The following KIRREL3 variants were observed in gnomAD, a reference collection of about 807,000 sequenced individuals.
KIRREL3 encodes the protein kin of IRRE-like protein 3.
In KIRREL3, 36 loss-of-function variants were observed where a neutral mutation model predicts 89.7. The ratio of observed to expected loss-of-function variants is 0.40; its 90% confidence interval spans 0.31 to 0.53. KIRREL3 has a LOEUF of 0.53. Ranked by LOEUF, KIRREL3 falls within the 20% of genes least tolerant of loss-of-function variation. The probability of loss-of-function intolerance (pLI) is 0.49; values close to 1 mark genes in which losing one functional copy is unlikely to be tolerated. For missense variants in KIRREL3, 864 were observed against 1,056.6 expected (o/e 0.82, Z 2.53); for synonymous variants, 445 against 441.4 (o/e 1.01, Z -0.10).
intron 1 of KIRREL3, among the ~76,000 whole-genome samples, chr11:126,828,283 A>C (rs913573965): frequency 6.6e-6 from 1 of 152,136 alleles, no homozygotes; most frequent in African/African-American, 2.4e-5. Flanking sequence ...CTGAGCTGAG[A>C]AGCCATGCTG....
intron 1 of KIRREL3, among the ~76,000 whole-genome samples, chr11:126,827,897 C>T (rs1943471659): frequency 6.6e-6 from 1 of 152,072 alleles, no homozygotes; most frequent in African/African-American, 2.4e-5. Context: ...GGATAATGTT[C>T]CGATAAATGA....
At position 126,424,650 on chromosome 11, in the gene KIRREL3, T is replaced by A. The variant is rs368525135; in HGVS notation, c.2267A>T (p.His756Leu). Reference protein sequence around the residue: ...ASKASASSSHHSQSSSQNSDP... With the variant: ...ASKASASSSHLSQSSSQNSDP... ...AGAGTTCTGGGACGAGGACTGGGAG[T>A]GGTGGGAGGAGGAAGCAGAAGCCTT... is the stretch of plus-strand genomic sequence containing the variant. The change falls in exon 17 of 17, where the codon CAC becomes CTC. Residue 756 changes from histidine (H) to leucine (L), a missense_variant. Transcript: ENST00000525144. The A allele has an allele frequency of 6.2e-7, 1 of 1,612,518 alleles. No individual in the cohort carries two copies. Among genetic ancestry groups the A allele is most frequent in the Admixed American group, 1.7e-5 (1 of 59,826 alleles).
rs1949574065 is a variant in KIRREL3 at position 126,976,273 on chromosome 11, C to T, written c.55+24182G>A. The stretch of plus-strand genomic sequence containing the variant: ...ATAACACAACATCACAAAGGAGAGA[C>T]AGATTATGAAATTATAATGACATAT... On this transcript the variant is annotated intron_variant, in intron 1 of 16. Coordinates refer to ENST00000525144, the MANE Select transcript of KIRREL3 (RefSeq NM_032531.4). This position sits in a 1 kb window ranked among gnomAD's most constrained non-coding sequence, Gnocchi z 4.2. Among the ~76,000 whole-genome samples, 1 of 152,044 alleles carries T rather than the reference C, an allele frequency of 6.6e-6. No individual in the cohort carries two copies. The highest frequency in any genetic ancestry group is 2.1e-4 in the South Asian group (1 of 4,820).
intron 1 of KIRREL3, among the ~76,000 whole-genome samples, chr11:126,972,655 ATGT>A (rs1383246662): frequency 6.6e-6 from 1 of 152,072 alleles, no homozygotes; most frequent in East Asian, 1.9e-4. Flanking sequence ...GACATGCCCA[ATGT>A]TGTTTTCCAT....
chr11:126,496,723 A>G lies in KIRREL3; in HGVS notation c.434-23257T>C, dbSNP rs1302613727. Among the ~76,000 whole-genome samples, 1 of 151,938 alleles carries G rather than the reference A, an allele frequency of 6.6e-6. No homozygotes were observed. The highest frequency in any genetic ancestry group is 1.5e-5 in the Non-Finnish European group (1 of 68,012). ...CAAAACCCAAACAGAAGCGCTCAGA[A>G]ATGTTGGAGGGCCTGCGTGCGAACT... is the stretch of plus-strand genomic sequence containing the variant. On this transcript the variant is annotated intron_variant, in intron 4 of 16. Coordinates refer to ENST00000525144, the MANE Select transcript of KIRREL3 (RefSeq NM_032531.4). This position sits in a 1 kb window ranked among gnomAD's most constrained non-coding sequence, Gnocchi z 4.9.
intron 1 of KIRREL3, among the ~76,000 whole-genome samples, chr11:126,930,328 A>T (rs1476449697): frequency 6.6e-6 from 1 of 152,232 alleles, no homozygotes; most frequent in South Asian, 2.1e-4. Flanking sequence ...CTCCCAAGAA[A>T]GCCCTCTCTC....
At chr11:126,630,466 C>CT (rs76017698) in intron 1 of KIRREL3, among the ~76,000 whole-genome samples, 22,991 of 152,190 alleles carry the variant, frequency 0.15, 2,279 homozygotes, top group East Asian at 0.4. Flanking sequence ...GCCCCTTTTG[C>CT]TATTTGTTCA....
chr11:126,515,383 G>C lies in KIRREL3; in HGVS notation c.433+5932C>G, dbSNP rs371267842. On this transcript the variant is annotated intron_variant, in intron 4 of 16. Coordinates refer to ENST00000525144, the MANE Select transcript of KIRREL3 (RefSeq NM_032531.4). The surrounding 1 kb of genome is among the most constrained non-coding windows in gnomAD (Gnocchi z 4.2). ...GAGGATCGCTTGAGCCAGGGAGGTC[G>C]AGGCTGCAGTGAGCCATAATAGTGC... 4.3e-4 allele frequency among the ~76,000 whole-genome samples: 66 copies of C among 152,294 alleles called. No individual in the cohort carries two copies. Among genetic ancestry groups the C allele is most frequent in the African/African-American group, 1.5e-3 (64 of 41,566 alleles).
chr11:126,842,972 T>C (rs1253668210), intron 1 of KIRREL3, among the ~76,000 whole-genome samples: 1 of 151,778 alleles, frequency 6.6e-6, no homozygotes, highest in Non-Finnish European at 1.5e-5. Flanking sequence ...TTTCTGTAAA[T>C]GCAGGGCCTT....
Position 126,551,210 on chromosome 11 carries a change from C to T in KIRREL3, c.133+11625G>A, listed in dbSNP as rs531447879. Among the ~76,000 whole-genome samples, 22 of 152,268 alleles carry T rather than the reference C, an allele frequency of 1.4e-4. 1 individual carries two copies. Among genetic ancestry groups the T allele is most frequent in the Non-Finnish European group, 2.8e-4 (19 of 68,024 alleles). On this transcript the variant is annotated intron_variant, in intron 2 of 16. Coordinates refer to ENST00000525144, the MANE Select transcript of KIRREL3 (RefSeq NM_032531.4). The surrounding 1 kb of genome is among the most constrained non-coding windows in gnomAD (Gnocchi z 4.9). ...ACATGCTCAGCTGCCCAGAAGCTCC[C>T]GAAACTCAGTCCTTTTGGGTTTTCA... is the stretch of plus-strand genomic sequence containing the variant.
In KIRREL3 at chr11:126,772,823, C is replaced by G. The variant is rs1164209819; in HGVS notation, c.56-209911G>C. Among the ~76,000 whole-genome samples, 1 of 152,154 alleles carries G rather than the reference C, an allele frequency of 6.6e-6. No homozygotes were observed. The highest frequency in any genetic ancestry group is 1.5e-5 in the Non-Finnish European group (1 of 68,020). On this transcript the variant is annotated intron_variant, in intron 1 of 16. Coordinates refer to ENST00000525144, the MANE Select transcript of KIRREL3 (RefSeq NM_032531.4). This position sits in a 1 kb window ranked among gnomAD's most constrained non-coding sequence, Gnocchi z 4.6. ...CTGATTCCTTGGTTTTGAGCCTTTG[C>G]CCCTAATGCCAGCACCATACCTACT... is the stretch of plus-strand genomic sequence containing the variant.
chr11:126,758,849 G>A (rs1271296842), intron 1 of KIRREL3, among the ~76,000 whole-genome samples: 1 of 152,200 alleles, frequency 6.6e-6, no homozygotes, highest in Non-Finnish European at 1.5e-5. Flanking sequence ...GATATGAAGT[G>A]TGGCATACTG....
chr11:126,941,179 C>A (rs1435634896), intron 1 of KIRREL3, among the ~76,000 whole-genome samples: 2 of 152,132 alleles, frequency 1.3e-5, no homozygotes, highest in East Asian at 3.8e-4. Context: ...ACCCACAAGT[C>A]CATTTCCTCT....
chr11:126,821,330 T>C (rs1168195976), intron 1 of KIRREL3, among the ~76,000 whole-genome samples: 1 of 15,100 alleles, frequency 6.6e-5, no homozygotes, highest in Non-Finnish European at 1.3e-4. Context: ...ATAAACACAG[T>C]ATATATATAT....
In KIRREL3 at chr11:126,900,437, T is replaced by A. The variant is rs10893604; in HGVS notation, c.55+100018A>T. Among the ~76,000 whole-genome samples the A allele has an allele frequency of 0.32, 48,885 of 152,094 alleles. 7,963 individuals carry two copies. Among genetic ancestry groups the A allele is most frequent in the Admixed American group, 0.42 (6,495 of 15,290 alleles). On this transcript the variant is annotated intron_variant, in intron 1 of 16. Transcript: ENST00000525144. This position sits in a 1 kb window ranked among gnomAD's most constrained non-coding sequence, Gnocchi z 4.4. ...TGCATGTTTATTGATAACAACCTGATAGGAATGCATATTCCTTCTCCAATT... is the reference window on the plus strand; with the variant it reads ...TGCATGTTTATTGATAACAACCTGAAAGGAATGCATATTCCTTCTCCAATT...
intron 1 of KIRREL3, among the ~76,000 whole-genome samples, chr11:126,921,648 G>T: frequency 1.2e-4 from 15 of 123,954 alleles, no homozygotes; most frequent in Admixed American, 3.3e-4. Context: ...CCATCTTCCT[G>T]TGTTCCTATC....
At chr11:126,806,593 C>A (rs957548840) in intron 1 of KIRREL3, among the ~76,000 whole-genome samples, 3 of 152,198 alleles carry the variant, frequency 2.0e-5, no homozygotes, top group African/African-American at 4.8e-5. Flanking sequence ...TTGGCTGTGT[C>A]TCCAACTCCT....
chr11:126,834,907 C>A (rs1391112768), intron 1 of KIRREL3, among the ~76,000 whole-genome samples: 1 of 152,218 alleles, frequency 6.6e-6, no homozygotes, highest in Non-Finnish European at 1.5e-5. Flanking sequence ...ATGCTCAGAG[C>A]GTGGCAGCTC....
rs1948861125 is a variant in KIRREL3, at chr11:126,954,371, C to T, written c.55+46084G>A. Among the ~76,000 whole-genome samples the T allele has an allele frequency of 6.6e-6, 1 of 152,084 alleles. No individual in the cohort carries two copies. The highest frequency in any genetic ancestry group is 1.5e-5 in the Non-Finnish European group (1 of 68,016). The stretch of plus-strand genomic sequence containing the variant: ...ATTATAGCCGATTGATTATTTATCA[C>T]TTCAATGAAGAATTTATTGATTTAC... On this transcript the variant is annotated intron_variant, in intron 1 of 16. Transcript: ENST00000525144. The surrounding 1 kb of genome is among the most constrained non-coding windows in gnomAD (Gnocchi z 4.1).
Sources: allele counts gnomAD v4.1 joint callset (sites outside exome capture counted in the v4.1 genomes callset), GRCh38; gene constraint gnomAD v4.1.1; non-coding constraint Gnocchi (gnomAD v3.1); transcripts MANE v1.5; gene names NCBI Gene and HGNC (gene_info 2026-07-23, HGNC 2026-07-21).